FOXO1: variants seen among roughly 807,000 people sequenced by gnomAD.
FOXO1 encodes forkhead box protein O1.
Under a neutral mutation model 44.1 loss-of-function variants are expected in FOXO1, and 6 were observed. The observed-to-expected ratio is 0.14, with a 90% CI of 0.07 to 0.27. The LOEUF (loss-of-function observed/expected upper bound fraction) is 0.27, where lower values mean the gene tolerates loss of function less well. Among genes scored for constraint, FOXO1 ranks in the 10% least tolerant of loss-of-function variants. The pLI, the probability that FOXO1 is intolerant of heterozygous loss-of-function variation, is 1.00. For missense variants in FOXO1, 737 were observed against 888.8 expected (o/e 0.83, Z 2.17); for synonymous variants, 380 against 362.7 (o/e 1.05, Z -0.54).
intron 1 of FOXO1, chr13:40,620,104 G>C: frequency 8.9e-7 from 1 of 1,120,070 alleles, no homozygotes; most frequent in Non-Finnish European, 1.3e-6. Flanking sequence ...GCAAGATAGA[G>C]AACACAGAGG....
chr13:40,645,357 G>A (rs1357513611), intron 1 of FOXO1, among the ~76,000 whole-genome samples: 2 of 152,134 alleles, frequency 1.3e-5, no homozygotes, highest in African/African-American at 2.4e-5. Flanking sequence ...AGTTTAAAAG[G>A]TGAAAGTACA....
intron 1 of FOXO1, among the ~76,000 whole-genome samples, chr13:40,603,976 TAAG>T (rs1051778437): frequency 6.6e-6 from 1 of 152,106 alleles, no homozygotes; most frequent in African/African-American, 2.4e-5. Flanking sequence ...TCAAGGGAAT[TAAG>T]AACTGGGGTT....
At chr13:40,655,138 C>T (rs1412560088) in intron 1 of FOXO1, among the ~76,000 whole-genome samples, 1 of 151,986 alleles carries the variant, frequency 6.6e-6, no homozygotes, top group African/African-American at 2.4e-5. Flanking sequence ...GATTTCGAGA[C>T]CAGTCTGGCC....
chr13:40,632,887 T>C lies in FOXO1; in HGVS notation c.630+32696A>G, dbSNP rs76829895. On this transcript the variant is annotated intron_variant, in intron 1 of 2. Transcript: ENST00000379561. The stretch of plus-strand genomic sequence containing the variant: ...TTGAATCCGAGCTGAAGTTGTGCCA[T>C]TGCAAAAGAGTGAAACTCCATCTCA... Among the ~76,000 whole-genome samples the C allele has an allele frequency of 1.1e-3, 167 of 146,432 alleles. 4 individuals are homozygous for C. The East Asian group carries it at 0.02, about 18-fold the overall frequency.
intron 1 of FOXO1, among the ~76,000 whole-genome samples, chr13:40,639,390 A>G (rs1877274366): frequency 6.6e-6 from 1 of 151,906 alleles, no homozygotes; most frequent in African/African-American, 2.4e-5. Flanking sequence ...TCAGTAGTCC[A>G]GAGCCCTACA....
At chr13:40,609,187 GA>G (rs1876135018) in intron 1 of FOXO1, among the ~76,000 whole-genome samples, 1 of 152,214 alleles carries the variant, frequency 6.6e-6, no homozygotes, top group Middle Eastern at 3.4e-3. Context: ...CAGTAGACCT[GA>G]AATAAAATTA....
At chr13:40,613,849 G>A (rs1490780898) in intron 1 of FOXO1, among the ~76,000 whole-genome samples, 1 of 152,324 alleles carries the variant, frequency 6.6e-6, no homozygotes, top group Admixed American at 6.5e-5. Flanking sequence ...AACTGAAGTT[G>A]GATCCTCACG....
intron 1 of FOXO1, among the ~76,000 whole-genome samples, chr13:40,620,725 G>A (rs1876579884): frequency 6.6e-6 from 1 of 151,662 alleles, no homozygotes; most frequent in Admixed American, 6.6e-5. Flanking sequence ...CTGAAACAGT[G>A]ACAATAGGGG....
chr13:40,665,524 T>A, intron 1 of FOXO1, 59 bp downstream of exon 1: 3 of 1,301,896 alleles, frequency 2.3e-6, no homozygotes, highest in Non-Finnish European at 3.0e-6. Context: ...CCTGCACAGC[T>A]GCGCCCTCGC....
intron 1 of FOXO1, among the ~76,000 whole-genome samples, chr13:40,574,490 C>T (rs894383511): frequency 8.5e-5 from 13 of 152,136 alleles, no homozygotes; most frequent in African/African-American, 2.9e-4. Flanking sequence ...CAAGCATATT[C>T]GAGAATTATT....
At chr13:40,631,756 TGAA>T (rs1433616720) in intron 1 of FOXO1, among the ~76,000 whole-genome samples, 5 of 152,148 alleles carry the variant, frequency 3.3e-5, no homozygotes, top group African/African-American at 4.8e-5. Flanking sequence ...GTCAAAAGCC[TGAA>T]GAAGGAGGAA....
chr13:40,573,049 C>G (rs999197860), intron 1 of FOXO1, among the ~76,000 whole-genome samples: 2 of 152,172 alleles, frequency 1.3e-5, no homozygotes, highest in African/African-American at 4.8e-5. Context: ...CTCAATGTGC[C>G]CACACTAAAG....
intron 1 of FOXO1, among the ~76,000 whole-genome samples, chr13:40,616,410 CAAG>C (rs1876425400): frequency 6.6e-6 from 1 of 152,164 alleles, no homozygotes; most frequent in Admixed American, 6.5e-5. Context: ...ATTTGAAAGA[CAAG>C]AACTAAAACA....
At chr13:40,611,621 G>C (rs1228819275) in intron 1 of FOXO1, among the ~76,000 whole-genome samples, 1 of 152,118 alleles carries the variant, frequency 6.6e-6, no homozygotes, top group Non-Finnish European at 1.5e-5. Context: ...CTCTTCTTGT[G>C]CCCCTAAACA....
chr13:40,654,214 A>G (rs974830585), intron 1 of FOXO1, among the ~76,000 whole-genome samples: 3 of 151,196 alleles, frequency 2.0e-5, no homozygotes, highest in Non-Finnish European at 4.4e-5. Flanking sequence ...TCGGTGGCTC[A>G]TGCCTGTAAT....
At position 40,557,973 on chromosome 13, in the gene FOXO1, C is replaced by T. The variant is rs1000722058; in HGVS notation, c.*1076G>A. On this transcript the variant is annotated 3_prime_UTR_variant, in exon 3 of 3. Transcript: ENST00000379561. ...ATATTAAGTTATCCTAAATAAGAAA[C>T]GCAAAGTGTCCATAACTATACATCA... The T allele has an allele frequency of 6.6e-6, 1 of 152,460 alleles. No individual in the cohort carries two copies. The highest frequency in any genetic ancestry group is 2.4e-5 in the African/African-American group (1 of 41,438). 9.4% of individuals were successfully genotyped at this position (152,460 alleles called of 1,614,324 possible). A position where few individuals can be genotyped will look rare whatever the true frequency, so the allele number is the denominator to read the frequency against.
chr13:40,568,744 A>AC (rs1400593395), intron 1 of FOXO1, among the ~76,000 whole-genome samples: 1 of 151,340 alleles, frequency 6.6e-6, no homozygotes, highest in Non-Finnish European at 1.5e-5. Context: ...AGACCACTAT[A>AC]CCCCCCACTG....
At chr13:40,618,504 A>C (rs1360903019) in intron 1 of FOXO1, among the ~76,000 whole-genome samples, 1 of 152,210 alleles carries the variant, frequency 6.6e-6, no homozygotes, top group African/African-American at 2.4e-5. Context: ...GATTTGGCTA[A>C]GCCGAGTGAT....
At chr13:40,625,882 T>C (rs774238340) in intron 1 of FOXO1, among the ~76,000 whole-genome samples, 3 of 152,222 alleles carry the variant, frequency 2.0e-5, no homozygotes, top group Admixed American at 6.5e-5. Context: ...TCCTACTTTA[T>C]AGATTCTTAA....
Sources: allele counts gnomAD v4.1 joint callset (sites outside exome capture counted in the v4.1 genomes callset), GRCh38; gene constraint gnomAD v4.1.1; transcripts MANE v1.5; gene names NCBI Gene and HGNC (gene_info 2026-07-23, HGNC 2026-07-21).